Variants in AGMO observed in about 807,000 individuals in gnomAD.
AGMO encodes the protein glyceryl-ether monooxygenase.
In AGMO, 75 loss-of-function variants were observed where a neutral mutation model predicts 60.2. The observed-to-expected ratio is 1.25, with a 90% CI of 1.03 to 1.51. The LOEUF is 1.51. Ranked by LOEUF, AGMO falls within the 40% of genes most tolerant of loss-of-function variation. AGMO has a pLI of 0.00. For missense variants in AGMO, 763 were observed against 525.5 expected, an observed-to-expected ratio of 1.45 and a Z score of -4.42; for synonymous variants, 261 against 177.1, an observed-to-expected ratio of 1.47 and a Z score of -3.76.
chr7:15,438,833 G>T (rs115063873), intron 3 of AGMO, among the ~76,000 whole-genome samples: 1 of 152,140 alleles, frequency 6.6e-6, no homozygotes, highest in Non-Finnish European at 1.5e-5. Context: ...ATTTGCTATT[G>T]CTCAGTGAAC....
chr7:15,193,617 T>C, the AGMO span, among the ~76,000 whole-genome samples: 13,090 of 152,178 alleles, frequency 0.086, 673 homozygotes, highest in East Asian at 0.16. Context: ...TCTCCCTGTT[T>C]GCAAGCTTCG....
intron 12 of AGMO, among the ~76,000 whole-genome samples, chr7:15,362,014 G>A (rs998170037): frequency 1.3e-5 from 2 of 152,052 alleles, no homozygotes; most frequent in African/African-American, 4.8e-5. Context: ...TAGCTTCAAA[G>A]AAAAATGAAG....
chr7:15,336,326 A>G (rs538080706), intron 12 of AGMO, among the ~76,000 whole-genome samples: 4 of 152,240 alleles, frequency 2.6e-5, no homozygotes, highest in South Asian at 4.1e-4. Flanking sequence ...TGCCAACTAA[A>G]TCAAAGCAGC....
the AGMO span, among the ~76,000 whole-genome samples, chr7:15,184,844 AGGG>A: frequency 1.2e-3 from 89 of 73,278 alleles, 2 homozygotes; most frequent in African/African-American, 4.6e-3. Context: ...GAAGGAAAGA[AGGG>A]AAAGAAGGAA....
intron 5 of AGMO, among the ~76,000 whole-genome samples, chr7:15,407,139 C>G (rs1784725802): frequency 6.9e-6 from 1 of 145,742 alleles, no homozygotes; most frequent in South Asian, 2.1e-4. Context: ...CACGTATACA[C>G]ATATAGATAT....
intron 12 of AGMO, among the ~76,000 whole-genome samples, chr7:15,301,976 T>C (rs1418972689): frequency 3.3e-5 from 5 of 152,142 alleles, no homozygotes; most frequent in Non-Finnish European, 5.9e-5. Context: ...GGAGAATAAG[T>C]AAAGAGAGCT....
the AGMO span, among the ~76,000 whole-genome samples, chr7:15,170,763 G>T: frequency 5.3e-5 from 8 of 151,828 alleles, no homozygotes; most frequent in East Asian, 1.4e-3. Context: ...TCCTTTTCCT[G>T]TTCCAGGATC....
chr7:15,524,170 G>C (rs1293837929), intron 3 of AGMO, among the ~76,000 whole-genome samples: 4 of 151,726 alleles, frequency 2.6e-5, no homozygotes, highest in Non-Finnish European at 5.9e-5. Context: ...AGAGTAAAAT[G>C]CTAAAATAGT....
rs191740582 is a variant in AGMO at position 15,326,436 on chromosome 7, C to T, written c.1263+39078G>A. ...AGAATCCTCCCTCCTGAATACAGAT[C>T]TTCCATCACATAAAATACACAGACC... On this transcript the variant is annotated intron_variant, in intron 12 of 12. Coordinates refer to ENST00000342526, the MANE Select transcript of AGMO (RefSeq NM_001004320.2). Among the ~76,000 whole-genome samples, 5 of 152,264 alleles carry T rather than the reference C, an allele frequency of 3.3e-5. No homozygotes were observed. The East Asian group carries it at 9.7e-4, about 29-fold the overall frequency.
chr7:15,515,088 G>C (rs1453756531), intron 3 of AGMO, among the ~76,000 whole-genome samples: 1 of 152,198 alleles, frequency 6.6e-6, no homozygotes, highest in African/African-American at 2.4e-5. Context: ...CCCTAGAGAA[G>C]TAGCTCATCC....
intron 12 of AGMO, among the ~76,000 whole-genome samples, chr7:15,314,542 G>A (rs1053103887): frequency 6.6e-6 from 1 of 152,122 alleles, no homozygotes; most frequent in Non-Finnish European, 1.5e-5. Flanking sequence ...GGATTTTCCT[G>A]ACATTTAGGT....
intron 12 of AGMO, among the ~76,000 whole-genome samples, chr7:15,361,537 C>G (rs1027224460): frequency 2.8e-4 from 7 of 25,298 alleles, no homozygotes; most frequent in African/African-American, 1.9e-3. Context: ...GAGACTGTGT[C>G]TCAAAAAAAA....
At chr7:15,555,356 G>C (rs1040469020) in intron 2 of AGMO, among the ~76,000 whole-genome samples, 9 of 149,262 alleles carry the variant, frequency 6.0e-5, no homozygotes, top group Non-Finnish European at 1.3e-4. Flanking sequence ...GAGAGTGAGA[G>C]AGAGAAATTT....
At chr7:15,430,622 G>T (rs557443016) in intron 4 of AGMO, among the ~76,000 whole-genome samples, 55 of 107,358 alleles carry the variant, frequency 5.1e-4, no homozygotes, top group East Asian at 1.9e-3. Flanking sequence ...AAAACAACTG[G>T]TTTTTTTTAA....
In AGMO at chr7:15,527,928, T is replaced by C. The variant is rs189988343; in HGVS notation, c.409+16844A>G. Among the ~76,000 whole-genome samples, 37 of 151,940 alleles carry C rather than the reference T, an allele frequency of 2.4e-4. No homozygotes were observed. In the East Asian group the frequency reaches 7.2e-3, roughly 29 times the overall value. ...AGCTTAGTATTGAGATGTATTGCTCTGAAAAAAAAAGAATTCTTTCAAAGT... is the reference window on the plus strand; with the variant it reads ...AGCTTAGTATTGAGATGTATTGCTCCGAAAAAAAAAGAATTCTTTCAAAGT... On this transcript the variant is annotated intron_variant, in intron 3 of 12. Transcript: ENST00000342526.
chr7:15,396,563 ACAACAGCTT>A (rs1453516359), intron 5 of AGMO: 6 of 152,198 alleles, frequency 3.9e-5, no homozygotes, highest in African/African-American at 1.4e-4. Context: ...GAGGAAAAGG[ACAACAGCTT>A]GCCGCTCCTT....
chr7:15,346,894 A>G (rs796605778), intron 12 of AGMO, among the ~76,000 whole-genome samples: 2 of 151,884 alleles, frequency 1.3e-5, no homozygotes, highest in African/African-American at 2.4e-5. Context: ...TATTTTATGT[A>G]TATTTATTTC....
At chr7:15,418,774 AT>A (rs368209618) in intron 4 of AGMO, 121 bp from the exon 5 acceptor site, 7 of 610,984 alleles carry the variant, frequency 1.1e-5, no homozygotes, top group African/African-American at 6.0e-5. Flanking sequence ...TATACTGTAT[AT>A]TTTATTGCCA....
chr7:15,322,870 A>G (rs1197756643), intron 12 of AGMO, among the ~76,000 whole-genome samples: 5 of 146,148 alleles, frequency 3.4e-5, no homozygotes, highest in Non-Finnish European at 7.5e-5. Context: ...ATAACACAAA[A>G]TTATCAAAAC....
Sources: gnomAD v4.1 joint callset for allele counts (sites outside exome capture counted in the v4.1 genomes callset) on GRCh38, gnomAD v4.1.1 for gene constraint, MANE v1.5 for transcripts, NCBI Gene and HGNC (gene_info 2026-07-23, HGNC 2026-07-21) for gene names.